Variants in FARP2 observed in about 807,000 individuals in gnomAD.
The protein encoded by FARP2 is FERM, ARHGEF and pleckstrin domain-containing protein 2.
Under a neutral mutation model 130.5 loss-of-function variants are expected in FARP2, and 111 were observed. The observed-to-expected ratio is 0.85, with a 90% CI of 0.73 to 1.00. The LOEUF (loss-of-function observed/expected upper bound fraction) is 1.00. Ranked by LOEUF, FARP2 falls within the 50% of genes least tolerant of loss-of-function variation. The pLI is 0.00. For missense variants in FARP2, 1,385 were observed against 1,346.3 expected (o/e 1.03, Z -0.45); for synonymous variants, 504 against 516.9 (o/e 0.98, Z 0.34).
intron 1 of FARP2, among the ~76,000 whole-genome samples, chr2:241,366,138 T>TATATATATACGTATATATATATATAC (rs1491421503): frequency 7.2e-6 from 1 of 138,442 alleles, no homozygotes; most frequent in African/African-American, 2.6e-5. Flanking sequence ...TATATATATA[T>TATATATATACGTATATATATATATAC]ACACACACAC....
intron 13 of FARP2, chr2:241,442,573 G>A (rs1209619292): frequency 4.7e-6 from 2 of 421,842 alleles, no homozygotes; most frequent in Non-Finnish European, 9.6e-6. Flanking sequence ...ACTCACCCAC[G>A]CTGTGTGGTT....
chr2:241,410,351 G>A (rs1249464643), intron 5 of FARP2, among the ~76,000 whole-genome samples: 1 of 152,028 alleles, frequency 6.6e-6, no homozygotes, highest in Admixed American at 6.6e-5. Context: ...ATGTGAATTT[G>A]TGACCTTCCT....
At chr2:241,406,628 G>A (rs373404767) in intron 4 of FARP2, among the ~76,000 whole-genome samples, 6 of 148,348 alleles carry the variant, frequency 4.0e-5, no homozygotes, top group African/African-American at 1.6e-4. Flanking sequence ...GGGTTTTTTT[G>A]GGGGGGAGAG....
chr2:241,363,035 G>A (rs2061224823), intron 1 of FARP2, among the ~76,000 whole-genome samples: 1 of 152,222 alleles, frequency 6.6e-6, no homozygotes, highest in South Asian at 2.1e-4. Context: ...TGAGGACTCC[G>A]ACAAGTAAAC....
intron 8 of FARP2, among the ~76,000 whole-genome samples, chr2:241,426,264 T>C (rs1156569059): frequency 6.6e-6 from 1 of 152,118 alleles, no homozygotes; most frequent in Non-Finnish European, 1.5e-5. Context: ...GAGTGTTAAC[T>C]AGGGATAGGT....
intron 2 of FARP2, among the ~76,000 whole-genome samples, chr2:241,394,487 C>T (rs1378981775): frequency 6.7e-6 from 1 of 148,368 alleles, no homozygotes; most frequent in Non-Finnish European, 1.5e-5. Flanking sequence ...CACTGCACTC[C>T]AGCCTGGGTG....
chr2:241,375,416 T>G (rs997318535), intron 2 of FARP2, among the ~76,000 whole-genome samples: 12 of 152,286 alleles, frequency 7.9e-5, no homozygotes, highest in African/African-American at 1.7e-4. Flanking sequence ...GTCTTTTTTT[T>G]TTGTTCTGCC....
intron 2 of FARP2, among the ~76,000 whole-genome samples, chr2:241,390,671 T>C (rs1432070772): frequency 6.6e-6 from 1 of 152,160 alleles, no homozygotes; most frequent in African/African-American, 2.4e-5. Flanking sequence ...GGATCTTATT[T>C]TTTTCTTTAA....
intron 14 of FARP2, 52 bp from the exon 15 acceptor site, chr2:241,462,471 G>A (rs1252185035): frequency 5.3e-6 from 7 of 1,326,560 alleles, no homozygotes; most frequent in Non-Finnish European, 7.6e-6. Context: ...CCTGAGCGTG[G>A]GAGGGTCCCA....
chr2:241,368,347 C>T (rs1215428183), intron 1 of FARP2, among the ~76,000 whole-genome samples: 5 of 152,062 alleles, frequency 3.3e-5, no homozygotes, highest in South Asian at 2.1e-4. Context: ...TGGGAGGTTT[C>T]GCTGGCAGGA....
intron 8 of FARP2, among the ~76,000 whole-genome samples, chr2:241,420,106 G>A (rs751625368): frequency 1.3e-5 from 2 of 152,208 alleles, no homozygotes; most frequent in Admixed American, 6.5e-5. Flanking sequence ...AGCCGAGATC[G>A]TGCCACTGCA....
chr2:241,490,952 CA>C, intron 22 of FARP2, 108 bp from the exon 23 acceptor site: 1 of 816,430 alleles, frequency 1.2e-6, no homozygotes, highest in Non-Finnish European at 2.1e-6. Flanking sequence ...CCAGGCAGGA[CA>C]AAGCAGAATG....
At chr2:241,421,185 T>G (rs2062797784) in intron 8 of FARP2, among the ~76,000 whole-genome samples, 1 of 152,018 alleles carries the variant, frequency 6.6e-6, no homozygotes. Flanking sequence ...TCAGGAGATC[T>G]CCTCATGAGC....
intron 2 of FARP2, among the ~76,000 whole-genome samples, chr2:241,389,959 TTTC>T (rs1366416212): frequency 2.0e-5 from 3 of 152,150 alleles, no homozygotes; most frequent in African/African-American, 7.2e-5. Context: ...TTGCTTGAGA[TTTC>T]TTCTTTGGTC....
Position 241,484,346 on chromosome 2 carries a change from A to T in FARP2, c.2421+15A>T. 1 of 1,610,562 alleles carries T rather than the reference A, an allele frequency of 6.2e-7. No individual in the cohort carries two copies. The highest frequency in any genetic ancestry group is 8.5e-7 in the Non-Finnish European group (1 of 1,176,886). On this transcript the variant is annotated intron_variant, in intron 21 of 26. Coordinates refer to ENST00000264042, the MANE Select transcript of FARP2 (RefSeq NM_014808.4). ...AAGGCATGCTGGTGAGTGGTCTTGC[A>T]CCCTGCCTGGGATTTCCACGTGGTG...
intron 8 of FARP2, among the ~76,000 whole-genome samples, chr2:241,428,476 G>A (rs911227498): frequency 8.6e-5 from 13 of 151,710 alleles, no homozygotes; most frequent in East Asian, 3.9e-4. Flanking sequence ...GATCACAGGC[G>A]TCAGCCACAG....
chr2:241,439,540 A>C (rs550165571), intron 12 of FARP2, among the ~76,000 whole-genome samples: 1 of 152,198 alleles, frequency 6.6e-6, no homozygotes, highest in African/African-American at 2.4e-5. Context: ...CGTGTTAGCC[A>C]GGATGGTCTT....
chr2:241,454,588 T>C (rs17387035), intron 13 of FARP2, among the ~76,000 whole-genome samples: 27,571 of 152,170 alleles, frequency 0.18, 2,710 homozygotes, highest in Middle Eastern at 0.27. Context: ...AATCCACGCT[T>C]CAGGGGCTAG....
chr2:241,483,334 T>C, intron 19 of FARP2, 131 bp from the exon 20 acceptor site: 1 of 750,562 alleles, frequency 1.3e-6, no homozygotes. Flanking sequence ...GAGGCTCCAC[T>C]AGAGGACCCT....
Sources: allele counts gnomAD v4.1 joint callset (sites outside exome capture counted in the v4.1 genomes callset), GRCh38; gene constraint gnomAD v4.1.1; transcripts MANE v1.5; gene names NCBI Gene and HGNC (gene_info 2026-07-23, HGNC 2026-07-21).